ANGPT2: variants seen among roughly 807,000 people sequenced by gnomAD.
The protein encoded by ANGPT2 is angiopoietin-2.
Under a neutral mutation model 62.9 loss-of-function variants are expected in ANGPT2, and 28 were observed. The observed-to-expected ratio is 0.44, with a 90% CI of 0.33 to 0.61. ANGPT2 has a LOEUF of 0.61. ANGPT2 is among the 20% of genes least tolerant of loss of function. The pLI is 0.03. For missense variants in ANGPT2, 727 were observed against 594.9 expected, an observed-to-expected ratio of 1.22 and a Z score of -2.31; for synonymous variants, 284 against 207.8, an observed-to-expected ratio of 1.37 and a Z score of -3.15.
In ANGPT2 at chr8:6,503,049, G is replaced by C; in HGVS notation, c.*52C>G. 1.9e-6 allele frequency: 3 copies of C among 1,604,958 alleles called. No individual in the cohort carries two copies. The highest frequency in any genetic ancestry group is 2.6e-6 in the Non-Finnish European group (3 of 1,174,540). ...GCAGCCGTGACTTTCAGTGCACTGG[G>C]CTTAAGTCTTTGAAAATAGTTCGAG... On this transcript the variant is annotated 3_prime_UTR_variant, in exon 9 of 9. Coordinates refer to ENST00000629816, the MANE Select transcript of ANGPT2 (RefSeq NM_001118887.2).
intron 5 of ANGPT2, among the ~76,000 whole-genome samples, chr8:6,518,099 G>A (rs1816629099): frequency 6.6e-6 from 1 of 152,102 alleles, no homozygotes; most frequent in South Asian, 2.1e-4. Context: ...GGGTGGGACA[G>A]TGCACTGGGG....
In ANGPT2 at chr8:6,513,812, C is replaced by T. The variant is rs1168078520; in HGVS notation, c.1062G>A (p.Leu354=). 4 of 1,613,578 alleles carry T rather than the reference C, an allele frequency of 2.5e-6. No homozygotes were observed. In the South Asian group the frequency reaches 4.4e-5, roughly 18 times the overall value. Residue 354 remains leucine, a synonymous_variant, in exon 7 of 9, where the codon CTG becomes CTA. Coordinates refer to ENST00000629816, the MANE Select transcript of ANGPT2 (RefSeq NM_001118887.2). ...TCAGTTGCGAAACAAACTCATTTCC[C>T]AGCCAATATTCTCCTGAAGGGTTAC... ...GFGNPSGEYW[L]GNEFVSQLTN... is the part of the protein sequence containing the mutation.
chr8:6,544,967 T>C (rs1400925323), intron 1 of ANGPT2, among the ~76,000 whole-genome samples: 1 of 152,222 alleles, frequency 6.6e-6, no homozygotes, highest in Admixed American at 6.5e-5. Context: ...TGTTGCTCCA[T>C]GGAGACTGGT....
chr8:6,519,152 C>G (rs1237916728), intron 5 of ANGPT2, among the ~76,000 whole-genome samples: 1 of 152,190 alleles, frequency 6.6e-6, no homozygotes, highest in African/African-American at 2.4e-5. Flanking sequence ...GTCTTCCAGA[C>G]TGCGTTAGAT....
chr8:6,534,523 C>T (rs1438315526), intron 1 of ANGPT2, among the ~76,000 whole-genome samples: 4 of 148,576 alleles, frequency 2.7e-5, no homozygotes, highest in Non-Finnish European at 4.5e-5. Context: ...CCCGCCTCAG[C>T]CCCCCAAAGT....
At chr8:6,537,991 A>C (rs1820808740) in intron 1 of ANGPT2, among the ~76,000 whole-genome samples, 1 of 152,082 alleles carries the variant, frequency 6.6e-6, no homozygotes, top group Admixed American at 6.5e-5. Context: ...GGGTCTAAAG[A>C]CCTTGAATTT....
chr8:6,503,906 G>C (rs371020843), intron 8 of ANGPT2, among the ~76,000 whole-genome samples: 1 of 152,296 alleles, frequency 6.6e-6, no homozygotes, highest in African/African-American at 2.4e-5. Context: ...GAGCATGCTG[G>C]GGTTTGTGAG....
At chr8:6,532,968 A>G (rs1317504271) in intron 1 of ANGPT2, among the ~76,000 whole-genome samples, 7 of 152,278 alleles carry the variant, frequency 4.6e-5, no homozygotes, top group Non-Finnish European at 1.0e-4. Context: ...CTAAGACAGC[A>G]TATAAGGAGA....
chr8:6,505,583 C>A (rs1813430707), intron 8 of ANGPT2, among the ~76,000 whole-genome samples: 1 of 113,042 alleles, frequency 8.8e-6, no homozygotes, highest in African/African-American at 3.4e-5. Context: ...AATGTATATT[C>A]TTTTTGTATA....
chr8:6,557,679 A>G (rs1824853414), intron 1 of ANGPT2, among the ~76,000 whole-genome samples: 3 of 97,140 alleles, frequency 3.1e-5, no homozygotes, highest in Non-Finnish European at 2.1e-5. Flanking sequence ...TATGATATAT[A>G]TGTGTGTGTA....
chr8:6,501,899 C>T lies in ANGPT2; in HGVS notation c.*1202G>A, dbSNP rs1467875415. The T allele has an allele frequency of 6.7e-6, 1 of 150,162 alleles. No homozygotes were observed. The highest frequency in any genetic ancestry group is 1.5e-5 in the Non-Finnish European group (1 of 67,596). 9.3% of individuals were successfully genotyped at this position (150,162 alleles called of 1,614,324 possible). Reference sequence around the variant, plus strand: ...GGTAAATATTTAAATATATTATGAACATCAGATTTTGTTTTTGCACTTTGA... The same window carrying T: ...GGTAAATATTTAAATATATTATGAATATCAGATTTTGTTTTTGCACTTTGA... On this transcript the variant is annotated 3_prime_UTR_variant, in exon 9 of 9. Transcript: ENST00000629816.
chr8:6,531,266 T>C (rs574606655), intron 2 of ANGPT2, among the ~76,000 whole-genome samples: 1 of 151,882 alleles, frequency 6.6e-6, no homozygotes, highest in East Asian at 1.9e-4. Context: ...TTGCTGTTAT[T>C]TTACTAGTTT....
intron 8 of ANGPT2, among the ~76,000 whole-genome samples, chr8:6,505,552 A>T (rs13268780): frequency 2.9e-5 from 1 of 34,236 alleles, no homozygotes; most frequent in Admixed American, 4.4e-4. Context: ...GAATATATAT[A>T]CTTTATATAT....
At chr8:6,518,748 A>C (rs189290450) in intron 5 of ANGPT2, among the ~76,000 whole-genome samples, 1 of 152,200 alleles carries the variant, frequency 6.6e-6, no homozygotes, top group Non-Finnish European at 1.5e-5. Flanking sequence ...TGTTGGTTCA[A>C]TATGTAGCTG....
chr8:6,512,575 C>T (rs1366782071), intron 7 of ANGPT2, among the ~76,000 whole-genome samples: 2 of 152,198 alleles, frequency 1.3e-5, no homozygotes, highest in African/African-American at 2.4e-5. Flanking sequence ...TGCCAGTGGG[C>T]ACACAGTCTC....
At chr8:6,529,614 G>C (rs940489906) in intron 2 of ANGPT2, among the ~76,000 whole-genome samples, 1 of 146,860 alleles carries the variant, frequency 6.8e-6, no homozygotes, top group Non-Finnish European at 1.5e-5. Flanking sequence ...ACACAAGCAC[G>C]CCTGGCTAAT....
At chr8:6,554,941 A>G (rs1824326376) in intron 1 of ANGPT2, among the ~76,000 whole-genome samples, 1 of 152,208 alleles carries the variant, frequency 6.6e-6, no homozygotes. Flanking sequence ...AGGTGATTTC[A>G]TGGAGAAATA....
At chr8:6,531,297 T>C (rs1167305644) in intron 2 of ANGPT2, among the ~76,000 whole-genome samples, 12 of 147,398 alleles carry the variant, frequency 8.1e-5, no homozygotes, top group South Asian at 4.3e-4. Flanking sequence ...TTCTTTCTTT[T>C]TTTTTTTTTG....
intron 8 of ANGPT2, among the ~76,000 whole-genome samples, chr8:6,505,650 CTATT>C (rs1489799505): frequency 8.0e-5 from 10 of 124,500 alleles, no homozygotes; most frequent in South Asian, 5.0e-4. Flanking sequence ...TTCTTTATAT[CTATT>C]TATATATAGA....
Sources: allele counts gnomAD v4.1 joint callset (sites outside exome capture counted in the v4.1 genomes callset), GRCh38; gene constraint gnomAD v4.1.1; transcripts MANE v1.5; gene names NCBI Gene and HGNC (gene_info 2026-07-23, HGNC 2026-07-21).